Variants in ANKFN1 observed in about 807,000 individuals in gnomAD.
The protein encoded by ANKFN1 is ankyrin repeat and fibronectin type-III domain-containing protein 1.
A neutral mutation model predicts 108.7 loss-of-function variants in ANKFN1; 74 were observed. The observed-to-expected ratio is 0.68, with a 90% CI of 0.56 to 0.83. The LOEUF is 0.83. ANKFN1 is among the 40% of genes least tolerant of loss of function. The pLI is 0.00. For synonymous variants in ANKFN1, 547 were observed against 516.2 expected (o/e 1.06, Z -0.81); for missense variants, 1,505 against 1,382.3 (o/e 1.09, Z -1.41).
At chr17:56,130,908 G>C (rs189461910) in intron 4 of ANKFN1, among the ~76,000 whole-genome samples, 24 of 151,518 alleles carry the variant, frequency 1.6e-4, no homozygotes, top group African/African-American at 4.4e-4. Context: ...TGGCTGATCT[G>C]GGTGTTTGTC....
chr17:56,234,048 C>A (rs1424345293), intron 3 of ANKFN1, among the ~76,000 whole-genome samples: 2 of 152,062 alleles, frequency 1.3e-5, no homozygotes, highest in Non-Finnish European at 2.9e-5. Context: ...TAATCTGCAT[C>A]ATTAACATTC....
At chr17:56,226,740 G>A (rs1432567698) in intron 2 of ANKFN1, among the ~76,000 whole-genome samples, 1 of 152,160 alleles carries the variant, frequency 6.6e-6, no homozygotes, top group East Asian at 1.9e-4. Context: ...TGGAGAGAGT[G>A]CTGGAGAGAG....
At chr17:56,178,597 C>T (rs751733700) in intron 1 of ANKFN1, among the ~76,000 whole-genome samples, 21 of 151,878 alleles carry the variant, frequency 1.4e-4, no homozygotes, top group Non-Finnish European at 2.4e-4. Flanking sequence ...CAGACTCTCT[C>T]GGTGTGGGCC....
intron 3 of ANKFN1, among the ~76,000 whole-genome samples, chr17:56,249,620 A>C (rs1304510920): frequency 6.6e-6 from 1 of 152,184 alleles, no homozygotes; most frequent in Non-Finnish European, 1.5e-5. Context: ...CAAACTTTCT[A>C]TGAATAGACA....
chr17:56,482,574 A>T, intron 18 of ANKFN1, 50 bp downstream of exon 18: 1 of 1,584,654 alleles, frequency 6.3e-7, no homozygotes, highest in Non-Finnish European at 8.6e-7. Flanking sequence ...TCCTTATAAT[A>T]AAATCACAAA....
At chr17:56,084,160 G>T (rs1306774530) in intron 4 of ANKFN1, among the ~76,000 whole-genome samples, 1 of 151,050 alleles carries the variant, frequency 6.6e-6, no homozygotes, top group Non-Finnish European at 1.5e-5. Context: ...ATTTAAGAAA[G>T]AAATAGGCAC....
chr17:56,151,971 G>A (rs773258442), upstream of ANKFN1, among the ~76,000 whole-genome samples: 10 of 125,086 alleles, frequency 8.0e-5, no homozygotes, highest in Admixed American at 1.8e-4. Flanking sequence ...TGTAACAAGC[G>A]TTTTACTAAG....
chr17:56,289,369 G>T (rs750528178), intron 3 of ANKFN1, among the ~76,000 whole-genome samples: 2 of 152,094 alleles, frequency 1.3e-5, no homozygotes, highest in Non-Finnish European at 2.9e-5. Context: ...TGACTAGAAG[G>T]CCTCTAATTC....
chr17:56,436,224 T>TTGA (rs920440496), intron 8 of ANKFN1, among the ~76,000 whole-genome samples: 1 of 152,222 alleles, frequency 6.6e-6, no homozygotes, highest in Non-Finnish European at 1.5e-5. Flanking sequence ...TCATAGTTAC[T>TTGA]TGATATAAAT....
chr17:56,257,016 G>A (rs757541103), intron 3 of ANKFN1, among the ~76,000 whole-genome samples: 9 of 152,178 alleles, frequency 5.9e-5, no homozygotes, highest in Admixed American at 1.3e-4. Context: ...CGCTATCCTG[G>A]TGACCTTAGT....
chr17:56,068,538 C>T lies in ANKFN1; in HGVS notation c.288+22213C>T, dbSNP rs559310665. Among the ~76,000 whole-genome samples the T allele has an allele frequency of 7.9e-5, 12 of 152,248 alleles. No homozygotes were observed. The East Asian group carries it at 2.3e-3, about 29-fold the overall frequency. Reference sequence around the variant, plus strand: ...CTGAAAGGCAAATGGCATGAGTGCCCATAGAGCTCACCAGCCCCAGGGCAC... The same window carrying T: ...CTGAAAGGCAAATGGCATGAGTGCCTATAGAGCTCACCAGCCCCAGGGCAC... On this transcript the variant is annotated intron_variant, in intron 4 of 12. Transcript: ENST00000635860.
At chr17:56,211,051 T>C (rs1914958813) in intron 1 of ANKFN1, among the ~76,000 whole-genome samples, 1 of 152,190 alleles carries the variant, frequency 6.6e-6, no homozygotes, top group Admixed American at 6.5e-5. Context: ...ACTCTGTGGG[T>C]TTTCTGTTTA....
At chr17:56,092,927 C>T (rs1905448093) in intron 4 of ANKFN1, among the ~76,000 whole-genome samples, 1 of 151,218 alleles carries the variant, frequency 6.6e-6, no homozygotes, top group South Asian at 2.1e-4. Flanking sequence ...TTTTCTCATG[C>T]TTTGATTCTC....
chr17:56,333,291 A>G (rs1348455360), intron 4 of ANKFN1, among the ~76,000 whole-genome samples: 1 of 152,140 alleles, frequency 6.6e-6, no homozygotes, highest in African/African-American at 2.4e-5. Flanking sequence ...GATATTGGCT[A>G]TAGGTTTTAA....
At chr17:56,368,276 C>CTTTTTTTTTTTTTTTTTGTTTT (rs2046714706) in intron 6 of ANKFN1, 1 of 65,416 alleles carries the variant, frequency 1.5e-5, no homozygotes, top group Admixed American at 3.7e-4. Flanking sequence ...TGAAAATGAA[C>CTTTTTTTTTTTTTTTTTGTTTT]TTTTTTTTTT....
intron 5 of ANKFN1, 30 bp downstream of exon 5, chr17:56,350,997 G>T: frequency 6.2e-7 from 1 of 1,601,018 alleles, no homozygotes; most frequent in East Asian, 2.2e-5. Flanking sequence ...TCTTGTGTCA[G>T]TTTGATTTAT....
chr17:56,128,799 A>G (rs1229736090), intron 4 of ANKFN1, among the ~76,000 whole-genome samples: 1 of 152,202 alleles, frequency 6.6e-6, no homozygotes, highest in East Asian at 1.9e-4. Flanking sequence ...TCCCATGGAA[A>G]CAGTTCGGGT....
At chr17:56,279,077 C>G (rs2044006696) in intron 3 of ANKFN1, among the ~76,000 whole-genome samples, 1 of 152,134 alleles carries the variant, frequency 6.6e-6, no homozygotes, top group Admixed American at 6.5e-5. Context: ...GTTGACACCC[C>G]TCTCTGTGCC....
chr17:56,144,025 T>C (rs1908084005), intron 4 of ANKFN1, among the ~76,000 whole-genome samples: 1 of 152,142 alleles, frequency 6.6e-6, no homozygotes, highest in Non-Finnish European at 1.5e-5. Context: ...CTGATCACTT[T>C]ATAATCATCA....
Sources: allele counts gnomAD v4.1 joint callset (sites outside exome capture counted in the v4.1 genomes callset), GRCh38; gene constraint gnomAD v4.1.1; transcripts MANE v1.5; gene names NCBI Gene and HGNC (gene_info 2026-07-23, HGNC 2026-07-21).